CADM2: variants seen among roughly 807,000 people sequenced by gnomAD.
The protein encoded by CADM2 is cell adhesion molecule 2, also known as immunoglobulin superfamily member 4D.
Under a neutral mutation model 49.8 loss-of-function variants are expected in CADM2, and 12 were observed. The ratio of observed to expected loss-of-function variants is 0.24; its 90% CI spans 0.15 to 0.39. The LOEUF (loss-of-function observed/expected upper bound fraction) is 0.39, where lower values mean the gene tolerates loss of function less well. Ranked by LOEUF, CADM2 falls within the 10% of genes least tolerant of loss-of-function variation. The pLI is 1.00. For missense variants in CADM2, 378 were observed against 492.3 expected (o/e 0.77, Z 2.20); for synonymous variants, 214 against 175.4 (o/e 1.22, Z -1.74).
chr3:85,665,558 A>C (rs2065539618), intron 1 of CADM2, among the ~76,000 whole-genome samples: 1 of 152,010 alleles, frequency 6.6e-6, no homozygotes, highest in Non-Finnish European at 1.5e-5. Flanking sequence ...AAGCTGTGCT[A>C]CCTCATTACT....
chr3:85,584,230 C>T (rs974644228), intron 1 of CADM2, among the ~76,000 whole-genome samples: 1 of 151,782 alleles, frequency 6.6e-6, no homozygotes, highest in Non-Finnish European at 1.5e-5. Context: ...TAAATAAAAA[C>T]CAAGAAAAAT....
intron 2 of CADM2, among the ~76,000 whole-genome samples, chr3:85,787,978 C>T (rs189087804): frequency 1.8e-4 from 27 of 152,208 alleles, no homozygotes; most frequent in Admixed American, 1.8e-3. Context: ...GGAATACTGG[C>T]CCTGGTGTCT....
chr3:85,080,983 C>T (rs2037140820), intron 1 of CADM2, among the ~76,000 whole-genome samples: 1 of 151,948 alleles, frequency 6.6e-6, no homozygotes, highest in African/African-American at 2.4e-5. Context: ...TGAGGAAATA[C>T]TGAAAATTTC....
chr3:85,255,705 T>C (rs2042869680), intron 1 of CADM2, among the ~76,000 whole-genome samples: 2 of 152,058 alleles, frequency 1.3e-5, no homozygotes, highest in South Asian at 4.1e-4. Flanking sequence ...CCATCTCTAC[T>C]GCCTGCACCC....
chr3:85,705,276 C>G (rs2066909267), intron 1 of CADM2, among the ~76,000 whole-genome samples: 2 of 149,796 alleles, frequency 1.3e-5, no homozygotes, highest in Non-Finnish European at 3.0e-5. Context: ...TATGTGATGA[C>G]TTGGGACTCT....
At chr3:85,127,048 G>C (rs2039058996) in intron 1 of CADM2, among the ~76,000 whole-genome samples, 1 of 152,046 alleles carries the variant, frequency 6.6e-6, no homozygotes, top group Admixed American at 6.6e-5. Context: ...TTATTTTTAA[G>C]GACAATTTTT....
At chr3:85,516,468 T>C (rs2106871456) in intron 1 of CADM2, among the ~76,000 whole-genome samples, 1 of 152,240 alleles carries the variant, frequency 6.6e-6, no homozygotes, top group South Asian at 2.1e-4. Context: ...GGTAGGTAGA[T>C]AGAAAAAATA....
chr3:85,373,557 C>G (rs2107327593), intron 1 of CADM2, among the ~76,000 whole-genome samples: 1 of 152,316 alleles, frequency 6.6e-6, no homozygotes, highest in South Asian at 2.1e-4. Flanking sequence ...TAGGCAGTGA[C>G]TCAGTGGAGA....
chr3:85,293,829 A>G (rs1460058513), intron 1 of CADM2, among the ~76,000 whole-genome samples: 3 of 149,018 alleles, frequency 2.0e-5, no homozygotes, highest in Non-Finnish European at 4.5e-5. Context: ...CACAGCCAAT[A>G]TCATACTGAA....
intron 2 of CADM2, among the ~76,000 whole-genome samples, chr3:85,799,217 CAG>C (rs1256972829): frequency 6.6e-6 from 1 of 152,164 alleles, no homozygotes; most frequent in African/African-American, 2.4e-5. Context: ...CATCTGCAAA[CAG>C]AGATAATTTG....
chr3:85,842,208 C>T (rs945701495), intron 3 of CADM2, among the ~76,000 whole-genome samples: 4 of 151,984 alleles, frequency 2.6e-5, no homozygotes, highest in African/African-American at 7.2e-5. Flanking sequence ...ATCTGTTCTG[C>T]GAGGTCCCAC....
intron 1 of CADM2, among the ~76,000 whole-genome samples, chr3:84,978,565 A>G (rs958110730): frequency 6.6e-6 from 1 of 152,160 alleles, no homozygotes; most frequent in Non-Finnish European, 1.5e-5. Context: ...ATGGCATAAG[A>G]CTTAAAGCAC....
intron 1 of CADM2, among the ~76,000 whole-genome samples, chr3:84,959,892 CG>C: frequency 6.6e-6 from 1 of 152,190 alleles, no homozygotes; most frequent in East Asian, 1.9e-4. Flanking sequence ...GCCCCTTACG[CG>C]GCACCTTTTG....
At chr3:85,630,344 C>T (rs189606094) in intron 1 of CADM2, among the ~76,000 whole-genome samples, 1 of 152,006 alleles carries the variant, frequency 6.6e-6, no homozygotes, top group East Asian at 1.9e-4. Flanking sequence ...GAATGACTTC[C>T]CCTGTTCTCT....
At chr3:85,953,325 T>G (rs1340083384) in intron 7 of CADM2, among the ~76,000 whole-genome samples, 1 of 150,964 alleles carries the variant, frequency 6.6e-6, no homozygotes, top group Non-Finnish European at 1.5e-5. Flanking sequence ...TAACCTTATC[T>G]TTTCTTAATT....
intron 2 of CADM2, among the ~76,000 whole-genome samples, chr3:85,767,425 C>A (rs1215192081): frequency 6.6e-6 from 1 of 152,096 alleles, no homozygotes; most frequent in Non-Finnish European, 1.5e-5. Context: ...TAATATATTA[C>A]TTCTCTATTA....
At chr3:85,053,834 C>T in intron 1 of CADM2, among the ~76,000 whole-genome samples, 1 of 151,838 alleles carries the variant, frequency 6.6e-6, no homozygotes, top group South Asian at 2.1e-4. Flanking sequence ...ATGGCTGCCA[C>T]CCTCATGTTT....
At chr3:85,715,452 A>C (rs2067256447) in intron 1 of CADM2, among the ~76,000 whole-genome samples, 1 of 152,182 alleles carries the variant, frequency 6.6e-6, no homozygotes, top group Non-Finnish European at 1.5e-5. Context: ...ACACCCTGAA[A>C]ATTAAAAAAT....
At chr3:85,685,226 G>A (rs573629286) in intron 1 of CADM2, among the ~76,000 whole-genome samples, 2 of 152,270 alleles carry the variant, frequency 1.3e-5, no homozygotes, top group African/African-American at 2.4e-5. Context: ...TTTCAGACCC[G>A]TTGGTCTAAA....
Sources: allele counts gnomAD v4.1 joint callset (sites outside exome capture counted in the v4.1 genomes callset), GRCh38; gene constraint gnomAD v4.1.1; transcripts MANE v1.5; gene names NCBI Gene and HGNC (gene_info 2026-07-23, HGNC 2026-07-21).